The following WDR82 variants were observed in gnomAD, a reference collection of about 807,000 sequenced individuals.
WDR82 encodes the protein WD repeat-containing protein 82.
A neutral mutation model predicts 36.1 loss-of-function variants in WDR82; 8 were observed. The ratio of observed to expected loss-of-function variants is 0.22; its 90% confidence interval spans 0.13 to 0.40. The LOEUF (loss-of-function observed/expected upper bound fraction) is 0.40, where lower values mean the gene tolerates loss of function less well. Ranked by LOEUF, WDR82 falls within the 10% of genes least tolerant of loss-of-function variation. The probability of loss-of-function intolerance (pLI) is 1.00; values close to 1 mark genes in which losing one functional copy is unlikely to be tolerated. For missense variants in WDR82, 185 were observed against 400.5 expected (o/e 0.46, Z 4.59); for synonymous variants, 129 against 137.8 (o/e 0.94, Z 0.45).
chr3:52,273,779 G>C (rs1559456506), intron 1 of WDR82, among the ~76,000 whole-genome samples: 1 of 152,002 alleles, frequency 6.6e-6, no homozygotes, highest in Non-Finnish European at 1.5e-5. Flanking sequence ...CTGCCACCAG[G>C]CTCAGCTAAT....
chr3:52,264,344 A>G (rs781613142), intron 3 of WDR82, among the ~76,000 whole-genome samples: 1 of 152,200 alleles, frequency 6.6e-6, no homozygotes, highest in Non-Finnish European at 1.5e-5. Flanking sequence ...GCTGAAAACT[A>G]CAAGAACAGA....
At chr3:52,262,598 G>A (rs1249612283) in intron 3 of WDR82, among the ~76,000 whole-genome samples, 2 of 152,188 alleles carry the variant, frequency 1.3e-5, no homozygotes, top group Non-Finnish European at 2.9e-5. Flanking sequence ...CTAGCCCCCA[G>A]GTGATGGGTG....
rs1349049222 is a variant in WDR82 at position 52,254,938 on chromosome 3, G to T, written c.*2552C>A. On this transcript the variant is annotated 3_prime_UTR_variant, in exon 9 of 9. Coordinates refer to ENST00000296490, the MANE Select transcript of WDR82 (RefSeq NM_025222.4). Reference sequence around the variant, plus strand: ...GCCCAACGATAGAGACTGTGAGGTGGCATTTTTTTTTTTTTTTTTTTGAGA... The same window carrying T: ...GCCCAACGATAGAGACTGTGAGGTGTCATTTTTTTTTTTTTTTTTTTGAGA... 6.6e-6 allele frequency: 1 copy of T among 150,376 alleles called. No individual in the cohort carries two copies. Among genetic ancestry groups the T allele is most frequent in the African/African-American group, 2.4e-5 (1 of 40,820 alleles). 9.3% of individuals were successfully genotyped at this position (150,376 alleles called of 1,614,324 possible).
chr3:52,278,184 G>A lies in WDR82; in HGVS notation c.161+17C>T. On this transcript the variant is annotated intron_variant, in intron 1 of 8. Transcript: ENST00000296490. ...GGAGGCACTGAGACTCGGGCCCAGG[G>A]CCTCCGCCGCACTCACTTGCCCTCC... The A allele has an allele frequency of 1.9e-6, 3 of 1,584,046 alleles. No individual in the cohort carries two copies. The highest frequency in any genetic ancestry group is 8.6e-7 in the Non-Finnish European group (1 of 1,164,208).
chr3:52,265,565 A>C, intron 3 of WDR82, among the ~76,000 whole-genome samples: 2 of 143,226 alleles, frequency 1.4e-5, no homozygotes, highest in African/African-American at 2.6e-5. Flanking sequence ...TGGAAGTGCA[A>C]CTTTTTTTTT....
intron 3 of WDR82, 114 bp from the exon 4 acceptor site, chr3:52,261,593 C>T (rs989854236): frequency 5.2e-6 from 4 of 768,232 alleles, no homozygotes; most frequent in African/African-American, 3.7e-5. Flanking sequence ...CCCAAAATTG[C>T]CATTTTAAGA....
intron 2 of WDR82, among the ~76,000 whole-genome samples, chr3:52,269,405 G>T (rs1042809954): frequency 4.5e-4 from 68 of 152,280 alleles, no homozygotes; most frequent in African/African-American, 1.6e-3. Flanking sequence ...AACCCAGGAG[G>T]CTGAGATTGC....
chr3:52,273,375 G>T (rs530425475), intron 1 of WDR82, among the ~76,000 whole-genome samples: 4 of 151,908 alleles, frequency 2.6e-5, no homozygotes, highest in South Asian at 4.2e-4. Context: ...AGGTTGCATT[G>T]AGCCAAGATC....
At chr3:52,265,494 G>T (rs1426596806) in intron 3 of WDR82, among the ~76,000 whole-genome samples, 1 of 150,882 alleles carries the variant, frequency 6.6e-6, no homozygotes, top group Non-Finnish European at 1.5e-5. Flanking sequence ...TCTGAAACCA[G>T]TTACCACTGG....
intron 2 of WDR82, 29 bp from the exon 3 acceptor site, chr3:52,267,047 TATC>T: frequency 3.3e-6 from 5 of 1,523,954 alleles, no homozygotes; most frequent in Non-Finnish European, 2.7e-6. Context: ...GGTATGATGA[TATC>T]ATACTATTTA....
At chr3:52,260,090 G>A (rs1261643354) in intron 5 of WDR82, among the ~76,000 whole-genome samples, 1 of 152,186 alleles carries the variant, frequency 6.6e-6, no homozygotes, top group Non-Finnish European at 1.5e-5. Context: ...CAGCACTTTG[G>A]GAGGCCGAGG....
At position 52,257,178 on chromosome 3, in the gene WDR82, A is replaced by G. The variant is rs145915837; in HGVS notation, c.*312T>C. 130 of 407,836 alleles carry G rather than the reference A, an allele frequency of 3.2e-4. No homozygotes were observed. The highest frequency in any genetic ancestry group is 2.4e-3 in the African/African-American group (120 of 49,246). The allele number at this position is 407,836 out of a possible 1,614,324, so 25.3% of individuals were successfully genotyped here. ...CGGCTCCTCAGCAGCATGTACATTCAAATTGAAGATGCTTGAGAGCCCCAC... is the reference window on the plus strand; with the variant it reads ...CGGCTCCTCAGCAGCATGTACATTCGAATTGAAGATGCTTGAGAGCCCCAC... On this transcript the variant is annotated 3_prime_UTR_variant, in exon 9 of 9. Transcript: ENST00000296490.
At chr3:52,266,626 T>C (rs1439337798) in intron 3 of WDR82, among the ~76,000 whole-genome samples, 2 of 152,102 alleles carry the variant, frequency 1.3e-5, no homozygotes, top group East Asian at 3.8e-4. Flanking sequence ...TTAGTAGAGA[T>C]GGGGTTTTGA....
chr3:52,261,301 C>T (rs943235819), intron 4 of WDR82, 79 bp downstream of exon 4: 6 of 1,242,918 alleles, frequency 4.8e-6, no homozygotes, highest in Non-Finnish European at 6.8e-6. Flanking sequence ...ACTGTTTTCT[C>T]CCTTCTTTGA....
intron 3 of WDR82, among the ~76,000 whole-genome samples, chr3:52,263,807 T>C (rs1700081612): frequency 6.6e-6 from 1 of 151,994 alleles, no homozygotes; most frequent in African/African-American, 2.4e-5. Flanking sequence ...ATGGACAGAG[T>C]ACTGGACCTG....
At chr3:52,258,428 G>T (rs1297734931) in intron 8 of WDR82, 108 bp downstream of exon 8, 5 of 1,256,254 alleles carry the variant, frequency 4.0e-6, no homozygotes, top group Non-Finnish European at 5.7e-6. Context: ...GTACTTGGAT[G>T]CTTGTAATGT....
rs1157215806 is a variant in WDR82 at position 52,256,520 on chromosome 3, G to A, written c.*970C>T. 2 of 153,780 alleles carry A rather than the reference G, an allele frequency of 1.3e-5. No homozygotes were observed. The highest frequency in any genetic ancestry group is 4.8e-5 in the African/African-American group (2 of 41,434). 9.5% of individuals were successfully genotyped at this position (153,780 alleles called of 1,614,324 possible). On this transcript the variant is annotated 3_prime_UTR_variant, in exon 9 of 9. Transcript: ENST00000296490. ...TCTTGGTTGGGAGCTGGGGAAAGGG[G>A]TGGTATCATCTGAAGACTATGTACA... is the stretch of plus-strand genomic sequence containing the variant.
rs1002040488 is a variant in WDR82 at position 52,254,790 on chromosome 3, G to A, written c.*2700C>T. The A allele has an allele frequency of 3.3e-5, 5 of 152,152 alleles. No homozygotes were observed. Among genetic ancestry groups the A allele is most frequent in the African/African-American group, 1.2e-4 (5 of 41,416 alleles). 9.4% of individuals were successfully genotyped at this position (152,152 alleles called of 1,614,324 possible). On this transcript the variant is annotated 3_prime_UTR_variant, in exon 9 of 9. Transcript: ENST00000296490. Reference sequence around the variant, plus strand: ...TCCCCACCCATCCCCAATAGGGCTTGAGCACCTGTAGCCCTGCTGAGCACG... The same window carrying A: ...TCCCCACCCATCCCCAATAGGGCTTAAGCACCTGTAGCCCTGCTGAGCACG...
intron 8 of WDR82, among the ~76,000 whole-genome samples, 182 bp from the exon 9 acceptor site, chr3:52,257,701 A>G (rs531824933): frequency 1.3e-5 from 2 of 152,264 alleles, no homozygotes; most frequent in South Asian, 4.2e-4. Flanking sequence ...ATGTGAAAGT[A>G]AAATGGTTCT....
Sources: gnomAD v4.1 joint callset for allele counts (sites outside exome capture counted in the v4.1 genomes callset) on GRCh38, gnomAD v4.1.1 for gene constraint, MANE v1.5 for transcripts, NCBI Gene and HGNC (gene_info 2026-07-23, HGNC 2026-07-21) for gene names.